Variants in RBFOX1 observed in about 807,000 individuals in gnomAD.
The protein encoded by RBFOX1 is RNA binding fox-1 homolog 1, also known as RNA binding protein fox-1 homolog 1.
A neutral mutation model predicts 57.7 loss-of-function variants in RBFOX1; 8 were observed. The observed-to-expected ratio is 0.14, with a 90% CI of 0.08 to 0.25. RBFOX1 has a LOEUF of 0.25. RBFOX1 is among the 10% of genes least tolerant of loss of function. RBFOX1 has a pLI of 1.00. For synonymous variants in RBFOX1, 326 were observed against 222.4 expected (o/e 1.47, Z -4.15); for missense variants, 611 against 548.5 (o/e 1.11, Z -1.14).
At chr16:7,402,156 G>A (rs1464010915) in intron 4 of RBFOX1, among the ~76,000 whole-genome samples, 1 of 152,068 alleles carries the variant, frequency 6.6e-6, no homozygotes, top group Non-Finnish European at 1.5e-5. Flanking sequence ...TATATATTGT[G>A]TTATAAAACT....
intron 1 of RBFOX1, among the ~76,000 whole-genome samples, chr16:6,081,798 C>A (rs2096005671): frequency 6.6e-6 from 1 of 152,142 alleles, no homozygotes; most frequent in Non-Finnish European, 1.5e-5. Flanking sequence ...GCCTCTCTTT[C>A]CATTGTTGGT....
chr16:7,069,313 C>T (rs1468079624), intron 4 of RBFOX1, among the ~76,000 whole-genome samples: 1 of 152,126 alleles, frequency 6.6e-6, no homozygotes, highest in Non-Finnish European at 1.5e-5. Context: ...GTATTAAGCC[C>T]TGCGTGCATT....
intron 2 of RBFOX1, among the ~76,000 whole-genome samples, chr16:6,592,289 C>G (rs1252794234): frequency 6.6e-6 from 1 of 152,190 alleles, no homozygotes; most frequent in Non-Finnish European, 1.5e-5. Flanking sequence ...CATATTAATT[C>G]TAAGCTTCCT....
intron 3 of RBFOX1, among the ~76,000 whole-genome samples, chr16:6,767,962 G>A (rs77242796): frequency 2.0e-4 from 23 of 114,814 alleles, no homozygotes; most frequent in African/African-American, 4.6e-4. Flanking sequence ...AGAAGAAGAA[G>A]AAGAAGAAGA....
intron 9 of RBFOX1, among the ~76,000 whole-genome samples, chr16:7,603,832 G>A (rs1408091974): frequency 6.6e-6 from 1 of 152,120 alleles, no homozygotes; most frequent in East Asian, 1.9e-4. Flanking sequence ...TCTCAAATTG[G>A]GAAGAAGCTA....
intron 4 of RBFOX1, among the ~76,000 whole-genome samples, chr16:5,909,101 T>TTTTTTC: frequency 6.8e-6 from 1 of 146,426 alleles, no homozygotes; most frequent in African/African-American, 2.5e-5. Context: ...TTTTTTTTTT[T>TTTTTTC]TTTTTTTTTG....
intron 1 of RBFOX1, among the ~76,000 whole-genome samples, chr16:6,258,112 C>T (rs534006809): frequency 1.3e-5 from 2 of 152,272 alleles, no homozygotes; most frequent in East Asian, 3.9e-4. Context: ...GCCCTTATCC[C>T]ATCATCTTTT....
intron 3 of RBFOX1, among the ~76,000 whole-genome samples, chr16:5,787,990 T>A (rs559239481): frequency 6.6e-6 from 1 of 152,312 alleles, no homozygotes; most frequent in South Asian, 2.1e-4. Context: ...CTGCATCCCT[T>A]CCAGCGGGGG....
At chr16:5,807,151 A>G (rs1175918727) in intron 3 of RBFOX1, among the ~76,000 whole-genome samples, 2 of 152,144 alleles carry the variant, frequency 1.3e-5, no homozygotes, top group South Asian at 2.1e-4. Flanking sequence ...TGACAACACA[A>G]TTACTTAACC....
intron 4 of RBFOX1, among the ~76,000 whole-genome samples, chr16:7,261,775 G>C: frequency 6.6e-6 from 1 of 152,170 alleles, no homozygotes; most frequent in South Asian, 2.1e-4. Flanking sequence ...GAGATCACGA[G>C]AGCCTGACAC....
chr16:6,615,731 G>C (rs1269602851), intron 2 of RBFOX1, among the ~76,000 whole-genome samples: 1 of 152,080 alleles, frequency 6.6e-6, no homozygotes, highest in Non-Finnish European at 1.5e-5. Flanking sequence ...TCCCTCCTTT[G>C]AAAGTCTCTC....
chr16:7,052,175 A>C (rs2050308782), intron 4 of RBFOX1, 77 bp downstream of exon 4: 1 of 1,544,106 alleles, frequency 6.5e-7, no homozygotes, highest in African/African-American at 1.4e-5. Context: ...GTCTCTCCCA[A>C]GACACGGGTT....
chr16:7,550,677 G>T (rs937524231), intron 5 of RBFOX1, among the ~76,000 whole-genome samples: 2 of 152,018 alleles, frequency 1.3e-5, no homozygotes, highest in Non-Finnish European at 2.9e-5. Context: ...TATGCCTCTG[G>T]ACGAATATGC....
At chr16:7,707,775 C>A (rs373207188) in intron 14 of RBFOX1, among the ~76,000 whole-genome samples, 1 of 152,310 alleles carries the variant, frequency 6.6e-6, no homozygotes, top group East Asian at 1.9e-4. Context: ...TAGCATGAAA[C>A]CCATAGGATC....
intron 3 of RBFOX1, among the ~76,000 whole-genome samples, chr16:5,849,019 A>G (rs190087657): frequency 2.8e-4 from 42 of 152,108 alleles, no homozygotes; most frequent in African/African-American, 8.9e-4. Flanking sequence ...GCAGGACAGG[A>G]GCTCCAGATA....
chr16:7,643,603 G>A (rs1156756284), intron 11 of RBFOX1, among the ~76,000 whole-genome samples: 1 of 152,150 alleles, frequency 6.6e-6, no homozygotes, highest in Non-Finnish European at 1.5e-5. Context: ...TACTCACACT[G>A]TACTAGTACA....
intron 2 of RBFOX1, among the ~76,000 whole-genome samples, chr16:6,501,241 C>T (rs947679836): frequency 1.1e-4 from 16 of 148,322 alleles, no homozygotes; most frequent in African/African-American, 3.5e-4. Context: ...CTGCACCCAT[C>T]AACTCTTCAT....
At chr16:5,256,821 C>G (rs1178917120) in intron 1 of RBFOX1, among the ~76,000 whole-genome samples, 2 of 152,002 alleles carry the variant, frequency 1.3e-5, no homozygotes, top group Non-Finnish European at 2.9e-5. Context: ...GTAGTCCCAA[C>G]TACTCGGGAG....
At chr16:7,669,537 T>A (rs1489294662) in intron 13 of RBFOX1, among the ~76,000 whole-genome samples, 1 of 152,182 alleles carries the variant, frequency 6.6e-6, no homozygotes, top group East Asian at 1.9e-4. Context: ...GTCCTAACAT[T>A]AGACGCAACC....
Sources: gnomAD v4.1 joint callset for allele counts (sites outside exome capture counted in the v4.1 genomes callset) on GRCh38, gnomAD v4.1.1 for gene constraint, MANE v1.5 for transcripts, NCBI Gene and HGNC (gene_info 2026-07-23, HGNC 2026-07-21) for gene names.